The following KLHL4 variants were observed in gnomAD, a reference collection of about 807,000 sequenced individuals.
KLHL4 encodes the protein kelch-like protein 4.
KLHL4 carries 17 observed loss-of-function variants against 45.8 expected under a neutral mutation model. The observed-to-expected ratio is 0.37, with a 90% confidence interval of 0.25 to 0.56. KLHL4 has a LOEUF of 0.56. Ranked by LOEUF, KLHL4 falls within the 20% of genes least tolerant of loss-of-function variation. The probability of loss-of-function intolerance (pLI) is 0.79; values close to 1 mark genes in which losing one functional copy is unlikely to be tolerated. For missense variants in KLHL4, 544 were observed against 544.9 expected (o/e 1.00, Z 0.02); for synonymous variants, 224 against 189.9 (o/e 1.18, Z -1.47).
intron 1 of KLHL4, among the ~76,000 whole-genome samples, chrX:87,567,691 G>A (rs183423405): frequency 4.5e-5 from 5 of 111,718 alleles, no homozygotes; most frequent in African/African-American, 1.3e-4. Context: ...ATTCTTAAGC[G>A]AATTAATGCA....
intron 8 of KLHL4, among the ~76,000 whole-genome samples, chrX:87,635,106 A>T (rs758695708): frequency 8.9e-6 from 1 of 111,896 alleles, no homozygotes; most frequent in Non-Finnish European, 1.9e-5. Context: ...TATTAAGCTA[A>T]TGTCTTCTAA....
chrX:87,546,223 G>A (rs1255729947), intron 1 of KLHL4, among the ~76,000 whole-genome samples: 1 of 111,368 alleles, frequency 9.0e-6, no homozygotes, highest in Non-Finnish European at 1.9e-5. Context: ...AGAGGCATAT[G>A]AGGAAAAAAT....
intron 6 of KLHL4, among the ~76,000 whole-genome samples, chrX:87,630,916 T>C (rs1425292197): frequency 9.0e-6 from 1 of 111,287 alleles, no homozygotes; most frequent in African/African-American, 3.3e-5. Context: ...AAGAGTGAGA[T>C]TAAGAGCAGA....
intron 6 of KLHL4, among the ~76,000 whole-genome samples, chrX:87,627,577 T>G (rs1201321075): frequency 8.9e-6 from 1 of 111,746 alleles, no homozygotes; most frequent in Non-Finnish European, 1.9e-5. Flanking sequence ...TTTTGTATTT[T>G]GTAACAATAA....
chrX:87,552,280 C>T (rs1931846180), intron 1 of KLHL4, among the ~76,000 whole-genome samples: 1 of 111,066 alleles, frequency 9.0e-6, no homozygotes, highest in Non-Finnish European at 1.9e-5. Flanking sequence ...GGCCAACAAA[C>T]ATATAAAAAA....
chrX:87,595,822 C>T (rs184298264), intron 1 of KLHL4, among the ~76,000 whole-genome samples: 238 of 110,887 alleles, frequency 2.1e-3, no homozygotes, highest in African/African-American at 7.6e-3. Context: ...TATAATAATG[C>T]GAGCTAATAA....
rs1464078841 is a variant in KLHL4 at position 87,667,362 on chromosome X, C to G, written c.*828C>G. Reference sequence around the variant, plus strand: ...TATAGAATGTAATGTTCTCCTCAAACATTTATGTTAACTCTATAAACAAAT... The same window carrying G: ...TATAGAATGTAATGTTCTCCTCAAAGATTTATGTTAACTCTATAAACAAAT... On this transcript the variant is annotated 3_prime_UTR_variant, in exon 11 of 11. Transcript: ENST00000373119. The G allele has an allele frequency of 5.7e-6, 4 of 702,497 alleles. No homozygotes were observed. Among genetic ancestry groups the G allele is most frequent in the Admixed American group, 1.8e-4 (2 of 11,127 alleles). 57.9% of individuals were successfully genotyped at this position (702,497 alleles called of 1,213,427 possible). A position where few individuals can be genotyped will look rare whatever the true frequency, so the allele number is the denominator to read the frequency against.
At chrX:87,530,378 T>G (rs1382790374) in intron 1 of KLHL4, among the ~76,000 whole-genome samples, 1 of 104,142 alleles carries the variant, frequency 9.6e-6, no homozygotes, top group Non-Finnish European at 2.0e-5. Context: ...CACTAACTCG[T>G]CATCTAGCAC....
chrX:87,602,818 T>A (rs770281853), intron 1 of KLHL4, among the ~76,000 whole-genome samples: 1 of 111,962 alleles, frequency 8.9e-6, no homozygotes, highest in Non-Finnish European at 1.9e-5. Flanking sequence ...TTGAATCCTG[T>A]CTGCTGTTAC....
intron 1 of KLHL4, among the ~76,000 whole-genome samples, chrX:87,587,611 G>A (rs189437396): frequency 3.6e-5 from 4 of 111,066 alleles, no homozygotes; most frequent in Admixed American, 2.9e-4. Context: ...ATCCTTTCAT[G>A]ATAAAAACCC....
intron 6 of KLHL4, among the ~76,000 whole-genome samples, chrX:87,626,808 CTG>C (rs773377841): frequency 9.0e-6 from 1 of 111,412 alleles, no homozygotes; most frequent in Non-Finnish European, 1.9e-5. Context: ...AAGGAAGAGA[CTG>C]TAACTGGCAA....
intron 1 of KLHL4, among the ~76,000 whole-genome samples, chrX:87,587,883 C>A (rs1602430567): frequency 9.0e-6 from 1 of 111,348 alleles, no homozygotes; most frequent in South Asian, 3.8e-4. Flanking sequence ...GTGCATGATA[C>A]TATCATATAC....
At chrX:87,520,005 T>C (rs1029256441) in intron 1 of KLHL4, among the ~76,000 whole-genome samples, 1 of 112,470 alleles carries the variant, frequency 8.9e-6, no homozygotes, top group African/African-American at 3.2e-5. Context: ...ACATTTTTTA[T>C]TTTCTAAAGA....
chrX:87,541,097 AG>A (rs1486009586), intron 1 of KLHL4, among the ~76,000 whole-genome samples: 2 of 110,280 alleles, frequency 1.8e-5, no homozygotes, highest in East Asian at 5.8e-4. Context: ...GTGTTGAGGG[AG>A]GGACTTGGTG....
Position 87,602,929 on chromosome X carries a change from A to C in KLHL4, c.423-10948A>C, listed in dbSNP as rs1388920467. Among the ~76,000 whole-genome samples, 3 of 111,842 alleles carry C rather than the reference A, an allele frequency of 2.7e-5. No homozygotes were observed. The Admixed American group carries it at 2.9e-4, about 11-fold the overall frequency. ...GTGCCCTGACACTTAAAATTCTTAC[A>C]CACATGTGAAGAAAATCTCACATTT... On this transcript the variant is annotated intron_variant, in intron 1 of 10. Coordinates refer to ENST00000373119, the MANE Select transcript of KLHL4 (RefSeq NM_019117.5).
intron 1 of KLHL4, among the ~76,000 whole-genome samples, chrX:87,540,375 T>C (rs1218512583): frequency 8.9e-6 from 1 of 112,371 alleles, no homozygotes; most frequent in Non-Finnish European, 1.9e-5. Context: ...TTTTAACTTT[T>C]GATGCTTGTA....
Position 87,618,107 on chromosome X carries a change from C to T in KLHL4, c.903C>T (p.Asn301=), listed in dbSNP as rs987414559. 5 of 1,201,169 alleles carry T rather than the reference C, an allele frequency of 4.2e-6. No individual in the cohort carries two copies. In the East Asian group the frequency reaches 8.9e-5, roughly 21 times the overall value. The change falls in exon 4 of 11, where the codon AAC becomes AAT. Residue 301 remains asparagine (N), a synonymous_variant. Transcript: ENST00000373119. ...GDAQGCTELL[N]VAHKYTMEHF... is the part of the protein sequence containing the mutation. The stretch of plus-strand genomic sequence containing the variant: ...CCCAAGGCTGTACAGAACTTCTGAA[C>T]GTGGCACACAAATACACTATGGTAA...
Position 87,588,021 on chromosome X carries a change from G to A in KLHL4, c.423-25856G>A, listed in dbSNP as rs1049672236. 1.1e-4 allele frequency among the ~76,000 whole-genome samples: 12 copies of A among 110,890 alleles called. No individual in the cohort carries two copies. The Admixed American group carries it at 1.2e-3, about 11-fold the overall frequency. On this transcript the variant is annotated intron_variant, in intron 1 of 10. Coordinates refer to ENST00000373119, the MANE Select transcript of KLHL4 (RefSeq NM_019117.5). ...CATATGTCAACAGTGTGAAGAATCT[G>A]AAAAAGAAATTAAAAAGTTATCCCA...
At chrX:87,531,407 G>A (rs1225269065) in intron 1 of KLHL4, among the ~76,000 whole-genome samples, 2 of 111,371 alleles carry the variant, frequency 1.8e-5, no homozygotes, top group Non-Finnish European at 3.8e-5. Context: ...TAGGTCTAAC[G>A]TTTAAGTCTT....
Sources: allele counts gnomAD v4.1 joint callset (sites outside exome capture counted in the v4.1 genomes callset), GRCh38; gene constraint gnomAD v4.1.1; transcripts MANE v1.5; gene names NCBI Gene and HGNC (gene_info 2026-07-23, HGNC 2026-07-21).